Variants in NIPAL2 observed in about 807,000 individuals in gnomAD.
NIPAL2 encodes the protein NIPA-like protein 2.
Under a neutral mutation model 48.9 loss-of-function variants are expected in NIPAL2, and 43 were observed. The observed-to-expected ratio is 0.88, with a 90% confidence interval of 0.69 to 1.13. The LOEUF is 1.13. Ranked by LOEUF, NIPAL2 falls within the 50% of genes most tolerant of loss-of-function variation. The pLI is 0.00. For synonymous variants in NIPAL2, 167 were observed against 174.6 expected, an observed-to-expected ratio of 0.96 and a Z score of 0.34; for missense variants, 446 against 461.4, an observed-to-expected ratio of 0.97 and a Z score of 0.31.
chr8:98,285,307 C>G (rs1816088531), intron 1 of NIPAL2, among the ~76,000 whole-genome samples: 1 of 152,188 alleles, frequency 6.6e-6, no homozygotes, highest in Non-Finnish European at 1.5e-5. Flanking sequence ...TGCCCTTTCT[C>G]TTGTTTACAG....
chr8:98,233,012 C>A (rs1219032569), intron 4 of NIPAL2, among the ~76,000 whole-genome samples: 1 of 152,130 alleles, frequency 6.6e-6, no homozygotes, highest in African/African-American at 2.4e-5. Flanking sequence ...GTAATCCCAG[C>A]ACTTTGGGAG....
chr8:98,237,892 G>A (rs62524189), intron 3 of NIPAL2, among the ~76,000 whole-genome samples: 10,306 of 152,204 alleles, frequency 0.068, 469 homozygotes, highest in East Asian at 0.1. Flanking sequence ...TGTCTTCCCC[G>A]AAAGACCATC....
intron 1 of NIPAL2, among the ~76,000 whole-genome samples, chr8:98,263,300 G>C (rs1814480491): frequency 6.7e-6 from 1 of 149,534 alleles, no homozygotes; most frequent in South Asian, 2.2e-4. Context: ...GAAGGAAATA[G>C]AGACACAAAA....
intron 10 of NIPAL2, chr8:98,193,317 G>A: frequency 1.3e-6 from 2 of 1,551,878 alleles, no homozygotes; most frequent in South Asian, 2.2e-5. Flanking sequence ...CCACCCCACA[G>A]GATCTACATG....
intron 1 of NIPAL2, among the ~76,000 whole-genome samples, chr8:98,254,394 G>T (rs749368155): frequency 1.3e-5 from 2 of 151,992 alleles, no homozygotes; most frequent in Non-Finnish European, 2.9e-5. Flanking sequence ...TGCTTCTTAC[G>T]TATCCTTTCT....
At chr8:98,194,964 T>A in intron 9 of NIPAL2, 142 bp from the exon 10 acceptor site, 1 of 461,328 alleles carries the variant, frequency 2.2e-6, no homozygotes, top group Non-Finnish European at 3.8e-6. Context: ...TTCCTAGTAC[T>A]TGTCTTAATT....
At chr8:98,262,883 G>T (rs890991970) in intron 1 of NIPAL2, among the ~76,000 whole-genome samples, 5 of 152,064 alleles carry the variant, frequency 3.3e-5, no homozygotes, top group Admixed American at 1.3e-4. Context: ...TGGAAGTAAA[G>T]CTCTCCTCAG....
intron 1 of NIPAL2, among the ~76,000 whole-genome samples, chr8:98,287,460 A>C (rs969021463): frequency 6.6e-6 from 1 of 152,248 alleles, no homozygotes; most frequent in African/African-American, 2.4e-5. Context: ...ATGCAGAGAA[A>C]TAGTGGTTAT....
At chr8:98,199,015 G>C (rs1213738022) in intron 8 of NIPAL2, among the ~76,000 whole-genome samples, 1 of 147,830 alleles carries the variant, frequency 6.8e-6, no homozygotes, top group East Asian at 2.0e-4. Context: ...GGAGTGCAAT[G>C]GTGCCATCTT....
At chr8:98,197,413 G>A (rs1586287565) in intron 8 of NIPAL2, among the ~76,000 whole-genome samples, 4 of 152,302 alleles carry the variant, frequency 2.6e-5, no homozygotes, top group African/African-American at 9.6e-5. Context: ...AGTGTTGATG[G>A]TTGTTGATTG....
At chr8:98,217,062 C>T in intron 5 of NIPAL2, 2 of 985,474 alleles carry the variant, frequency 2.0e-6, no homozygotes, top group Non-Finnish European at 1.2e-6. Context: ...GAAAACTCCA[C>T]TCCTCTTTGC....
intron 1 of NIPAL2, among the ~76,000 whole-genome samples, chr8:98,279,450 A>G (rs1263277872): frequency 6.6e-6 from 1 of 152,150 alleles, no homozygotes; most frequent in Non-Finnish European, 1.5e-5. Flanking sequence ...CTCTTTTTCT[A>G]ACATTTTAGA....
rs563063926 is a variant in NIPAL2, at chr8:98,208,843, C to CT, written c.655+3561dup. Among the ~76,000 whole-genome samples, 4 of 152,022 alleles carry CT rather than the reference C, an allele frequency of 2.6e-5. No individual in the cohort carries two copies. In the East Asian group the frequency reaches 5.8e-4, roughly 22 times the overall value. Reference sequence around the variant, plus strand: ...TCTGACTACCCTCACTTGCTATTTTCTTTTTTTTAATTCCATTTTTTATCA... The same window carrying CT: ...TCTGACTACCCTCACTTGCTATTTTCTTTTTTTTTAATTCCATTTTTTATCA... On this transcript the variant is annotated intron_variant, in intron 6 of 10. Coordinates refer to ENST00000430223, the MANE Select transcript of NIPAL2 (RefSeq NM_001321635.2).
Position 98,231,020 on chromosome 8 carries a change from G to A in NIPAL2, c.436+5135C>T, listed in dbSNP as rs1044321653. On this transcript the variant is annotated intron_variant, in intron 4 of 10. Coordinates refer to ENST00000430223, the MANE Select transcript of NIPAL2 (RefSeq NM_001321635.2). Reference sequence around the variant, plus strand: ...CTAACCTGACTGCAAGGGAAAGATTGCAGTCTAATCCCTTTGGTCCCTGCA... The same window carrying A: ...CTAACCTGACTGCAAGGGAAAGATTACAGTCTAATCCCTTTGGTCCCTGCA... 4.6e-5 allele frequency among the ~76,000 whole-genome samples: 7 copies of A among 152,306 alleles called. No individual in the cohort carries two copies. The South Asian group carries it at 6.2e-4, about 14-fold the overall frequency.
intron 8 of NIPAL2, among the ~76,000 whole-genome samples, chr8:98,201,901 A>G (rs1385924136): frequency 6.6e-6 from 1 of 152,224 alleles, no homozygotes; most frequent in Non-Finnish European, 1.5e-5. Context: ...TGAAAAAAAA[A>G]TGTGCCAGTT....
intron 6 of NIPAL2, among the ~76,000 whole-genome samples, chr8:98,209,271 A>C (rs1811188461): frequency 6.6e-6 from 1 of 152,056 alleles, no homozygotes; most frequent in Admixed American, 6.5e-5. Flanking sequence ...TAGAATATGT[A>C]AGTGCAAATT....
chr8:98,239,746 G>T (rs1204975326), intron 3 of NIPAL2, among the ~76,000 whole-genome samples: 3 of 151,792 alleles, frequency 2.0e-5, no homozygotes, highest in African/African-American at 2.4e-5. Context: ...AGTAAAAAAG[G>T]CAAGAAAAAA....
At chr8:98,265,042 AT>A (rs1814621821) in intron 1 of NIPAL2, among the ~76,000 whole-genome samples, 1 of 141,038 alleles carries the variant, frequency 7.1e-6, no homozygotes, top group African/African-American at 2.7e-5. Flanking sequence ...AGGATTCCCT[AT>A]TTAATAAATG....
At chr8:98,198,784 G>C (rs911580415) in intron 8 of NIPAL2, among the ~76,000 whole-genome samples, 4 of 152,138 alleles carry the variant, frequency 2.6e-5, no homozygotes, top group Non-Finnish European at 5.9e-5. Flanking sequence ...TTACGGCCTT[G>C]CTCTGGTTTA....
Sources: gnomAD v4.1 joint callset for allele counts (sites outside exome capture counted in the v4.1 genomes callset) on GRCh38, gnomAD v4.1.1 for gene constraint, MANE v1.5 for transcripts, NCBI Gene and HGNC (gene_info 2026-07-23, HGNC 2026-07-21) for gene names.